The following EMC2 variants were observed in gnomAD, a reference collection of about 807,000 sequenced individuals.
The protein encoded by EMC2 is TPR repeat protein 35.
EMC2 carries 37 observed loss-of-function variants against 51.6 expected under a neutral mutation model. The observed-to-expected ratio is 0.72, with a 90% CI of 0.55 to 0.94. EMC2 has a LOEUF of 0.94. Ranked by LOEUF, EMC2 falls within the 40% of genes least tolerant of loss-of-function variation. The pLI, the probability that EMC2 is intolerant of heterozygous loss-of-function variation, is 0.00. For synonymous variants in EMC2, 131 were observed against 112.4 expected (o/e 1.17, Z -1.04); for missense variants, 359 against 350.9 (o/e 1.02, Z -0.18).
At position 108,487,763 on chromosome 8, in the gene EMC2, GCTT is replaced by G. The variant is rs1188978631; in HGVS notation, c.*1169_*1171del. On this transcript the variant is annotated 3_prime_UTR_variant, in exon 11 of 11. Coordinates refer to ENST00000220853, the MANE Select transcript of EMC2 (RefSeq NM_014673.5). ...AGAAAGAAAAGTATTGTCAATATCA[GCTT>G]CTTTTAACCTTTTGAATAGTTCTGC... Among the ~76,000 whole-genome samples the G allele has an allele frequency of 6.6e-6, 1 of 152,168 alleles. No individual in the cohort carries two copies. The highest frequency in any genetic ancestry group is 1.5e-5 in the Non-Finnish European group (1 of 68,014).
chr8:108,470,799 T>C (rs1810840528), intron 7 of EMC2: 1 of 152,098 alleles, frequency 6.6e-6, no homozygotes, highest in South Asian at 2.1e-4. Flanking sequence ...TTTTTTTTCT[T>C]AGTTCTTCTA....
At chr8:108,472,652 T>C (rs1215197178) in intron 7 of EMC2, among the ~76,000 whole-genome samples, 3 of 151,938 alleles carry the variant, frequency 2.0e-5, no homozygotes, top group African/African-American at 7.2e-5. Flanking sequence ...CTTGATTCAT[T>C]TGACATGTTT....
intron 10 of EMC2, among the ~76,000 whole-genome samples, chr8:108,484,198 A>G: frequency 6.6e-6 from 1 of 152,106 alleles, no homozygotes; most frequent in Middle Eastern, 3.2e-3. Context: ...AGTGATTTAT[A>G]TGATATTTAT....
rs763096837 is a variant in EMC2, at chr8:108,455,851, GTTTCTT to G, written c.306-12_306-7del. ...TATTTTTAAGGTAATAATTGTAGAT[GTTTCTT>G]TTTCTTTTTAAATAGATATGATGAT... is the stretch of plus-strand genomic sequence containing the variant. On this transcript the variant is annotated splice_polypyrimidine_tract_variant and intron_variant, in intron 4 of 10. Coordinates refer to ENST00000220853, the MANE Select transcript of EMC2 (RefSeq NM_014673.5). 32 of 892,848 alleles carry G rather than the reference GTTTCTT, an allele frequency of 3.6e-5. No homozygotes were observed. Among genetic ancestry groups the G allele is most frequent in the Non-Finnish European group, 5.3e-5 (31 of 589,700 alleles). The allele number at this position is 892,848 out of a possible 1,614,324, so 55.3% of individuals were successfully genotyped here.
intron 1 of EMC2, among the ~76,000 whole-genome samples, chr8:108,444,555 C>T (rs1356546294): frequency 2.0e-5 from 3 of 152,080 alleles, no homozygotes; most frequent in Admixed American, 6.5e-5. Flanking sequence ...AGCTAATTTG[C>T]TTAACGAATG....
chr8:108,484,734 T>C (rs1811104399), intron 10 of EMC2, among the ~76,000 whole-genome samples: 11 of 152,010 alleles, frequency 7.2e-5, no homozygotes, highest in Admixed American at 7.2e-4. Context: ...ACCGTTCCTA[T>C]TTATGTTTCA....
chr8:108,480,874 T>C (rs776303282), intron 10 of EMC2, among the ~76,000 whole-genome samples: 4 of 152,216 alleles, frequency 2.6e-5, no homozygotes, highest in Non-Finnish European at 5.9e-5. Context: ...CTCACATTTA[T>C]GAGCAGTTTT....
chr8:108,469,132 T>A (rs1474803508), intron 5 of EMC2, among the ~76,000 whole-genome samples: 1 of 152,224 alleles, frequency 6.6e-6, no homozygotes, highest in Non-Finnish European at 1.5e-5. Flanking sequence ...GTTTTTGTCA[T>A]GAGAATGAGC....
intron 10 of EMC2, among the ~76,000 whole-genome samples, chr8:108,481,717 G>C (rs966107242): frequency 6.6e-5 from 10 of 152,022 alleles, no homozygotes; most frequent in Non-Finnish European, 1.5e-4. Flanking sequence ...GCATCCCAAA[G>C]CTCTCTTGGT....
intron 10 of EMC2, among the ~76,000 whole-genome samples, chr8:108,483,699 G>C (rs768220316): frequency 1.3e-5 from 2 of 151,966 alleles, no homozygotes; most frequent in Non-Finnish European, 2.9e-5. Context: ...TTTATTGTTT[G>C]GTTGTTTTTG....
chr8:108,444,295 C>A (rs1160631041), intron 1 of EMC2, among the ~76,000 whole-genome samples: 2 of 152,194 alleles, frequency 1.3e-5, no homozygotes, highest in African/African-American at 4.8e-5. Flanking sequence ...CTTTCTTACT[C>A]CCTACTAGTA....
chr8:108,476,776 T>G lies in EMC2; in HGVS notation c.592-6T>G, dbSNP rs934281099. On this transcript the variant is annotated splice_region_variant and splice_polypyrimidine_tract_variant and intron_variant, in intron 8 of 10. Transcript: ENST00000220853. ...ACAGTTTTCAGCACTTTGCAATTTTTAACAGGTTAAGTATACCCAAGGTGG... is the reference window on the plus strand; with the variant it reads ...ACAGTTTTCAGCACTTTGCAATTTTGAACAGGTTAAGTATACCCAAGGTGG... The G allele has an allele frequency of 1.4e-6, 2 of 1,420,992 alleles. No homozygotes were observed. Among genetic ancestry groups the G allele is most frequent in the Non-Finnish European group, 2.0e-6 (2 of 1,005,460 alleles). The allele number at this position is 1,420,992 out of a possible 1,614,324, so 88.0% of individuals were successfully genotyped here. A position where few individuals can be genotyped will look rare whatever the true frequency, so the allele number is the denominator to read the frequency against.
At chr8:108,469,274 T>C (rs918078413) in intron 5 of EMC2, among the ~76,000 whole-genome samples, 5 of 152,306 alleles carry the variant, frequency 3.3e-5, no homozygotes, top group African/African-American at 1.2e-4. Context: ...TGTTTATCAT[T>C]TTAAAAACTT....
intron 8 of EMC2, among the ~76,000 whole-genome samples, chr8:108,476,427 A>G (rs932409982): frequency 4.6e-5 from 7 of 151,960 alleles, no homozygotes; most frequent in Admixed American, 2.6e-4. Flanking sequence ...TAAAAGGACA[A>G]TTCAATATTT....
chr8:108,469,672 T>A (rs1457221893), intron 5 of EMC2, among the ~76,000 whole-genome samples, 154 bp from the exon 6 acceptor site: 5 of 152,188 alleles, frequency 3.3e-5, no homozygotes, highest in Admixed American at 2.0e-4. Flanking sequence ...CCCAGTGGGA[T>A]GTCATGGGGT....
chr8:108,453,159 T>C lies in EMC2; in HGVS notation c.305+12T>C, dbSNP rs1233045652. 2.0e-6 allele frequency: 3 copies of C among 1,537,316 alleles called. No individual in the cohort carries two copies. Among genetic ancestry groups the C allele is most frequent in the Non-Finnish European group, 2.7e-6 (3 of 1,124,350 alleles). ...GAAGCCATGGAAAGGTAACCAAATCTTATCAGCTGGCAGGCATGGAGCCTG... is the reference window on the plus strand; with the variant it reads ...GAAGCCATGGAAAGGTAACCAAATCCTATCAGCTGGCAGGCATGGAGCCTG... On this transcript the variant is annotated intron_variant, in intron 4 of 10. Coordinates refer to ENST00000220853, the MANE Select transcript of EMC2 (RefSeq NM_014673.5).
chr8:108,451,859 A>G (rs898950583), intron 3 of EMC2, among the ~76,000 whole-genome samples: 1 of 152,236 alleles, frequency 6.6e-6, no homozygotes, highest in Non-Finnish European at 1.5e-5. Flanking sequence ...ACCAAGTAAT[A>G]TGATTTTGCT....
chr8:108,484,696 G>C (rs932002226), intron 10 of EMC2, among the ~76,000 whole-genome samples: 3 of 151,740 alleles, frequency 2.0e-5, no homozygotes, highest in Non-Finnish European at 4.4e-5. Flanking sequence ...CTTTTTCTCA[G>C]AATTAGACCT....
chr8:108,449,634 A>G (rs551508226), intron 1 of EMC2, among the ~76,000 whole-genome samples, 189 bp from the exon 2 acceptor site: 3 of 152,236 alleles, frequency 2.0e-5, no homozygotes, highest in Non-Finnish European at 4.4e-5. Flanking sequence ...CTTCTAAAGG[A>G]TCTGTTGCCC....
Sources: gnomAD v4.1 joint callset for allele counts (sites outside exome capture counted in the v4.1 genomes callset) on GRCh38, gnomAD v4.1.1 for gene constraint, MANE v1.5 for transcripts, NCBI Gene and HGNC (gene_info 2026-07-23, HGNC 2026-07-21) for gene names.